CDRT4: variants seen among roughly 807,000 people sequenced by gnomAD.
CDRT4 encodes CMT1A duplicated region transcript 4.
For synonymous variants in CDRT4, 64 were observed against 69.6 expected, an observed-to-expected ratio of 0.92 and a Z score of 0.40; for missense variants, 167 against 193.1, an observed-to-expected ratio of 0.87 and a Z score of 0.80.
At chr17:15,453,808 G>T (rs1448268265) in intron 1 of CDRT4, among the ~76,000 whole-genome samples, 1 of 152,142 alleles carries the variant, frequency 6.6e-6, no homozygotes, top group Non-Finnish European at 1.5e-5. Context: ...CAGGAACAAG[G>T]AACAAGACAG....
At position 15,440,273 on chromosome 17, in the gene CDRT4, C is replaced by T; in HGVS notation, c.-35G>A. On this transcript the variant is annotated 5_prime_UTR_variant, in exon 3 of 4. It adds an upstream start codon to the 5' untranslated region. Coordinates refer to ENST00000619038, the MANE Select transcript of CDRT4 (RefSeq NM_001204477.2). ...AATATTTACTGATTTCTTAACATCA[C>T]AGGTTCAGATTCCTATGGGAAAATA... 6.2e-7 allele frequency: 1 copy of T among 1,612,292 alleles called. No homozygotes were observed. Among genetic ancestry groups the T allele is most frequent in the Non-Finnish European group, 8.5e-7 (1 of 1,179,950 alleles).
intron 1 of CDRT4, among the ~76,000 whole-genome samples, chr17:15,465,149 A>AC (rs1979954990): frequency 8.0e-6 from 1 of 124,514 alleles, no homozygotes; most frequent in Admixed American, 8.3e-5. Context: ...ACACAGACAC[A>AC]CCAACACACA....
intron 2 of CDRT4, 133 bp from the exon 3 acceptor site, chr17:15,440,418 A>T: frequency 9.6e-7 from 1 of 1,037,200 alleles, no homozygotes; most frequent in Non-Finnish European, 1.4e-6. Context: ...CCCTGAGAAG[A>T]GGACATGTTT....
rs536798509 is a variant in CDRT4 at position 15,439,278 on chromosome 17, A to C, written c.31+930T>G. Reference sequence around the variant, plus strand: ...ATCTCCAAATTGAATGCAGTTAAAAAAAAAAATGCCGTAAATGGGGATAAT... The same window carrying C: ...ATCTCCAAATTGAATGCAGTTAAAACAAAAAATGCCGTAAATGGGGATAAT... On this transcript the variant is annotated intron_variant, in intron 3 of 3. Transcript: ENST00000619038. 1.1e-3 allele frequency: 478 copies of C among 422,834 alleles called. 7 individuals carry two copies. In the Middle Eastern group the frequency reaches 0.03, roughly 27 times the overall value. The allele number at this position is 422,834 out of a possible 1,614,324, so 26.2% of individuals were successfully genotyped here. A position where few individuals can be genotyped will look rare whatever the true frequency, so the allele number is the denominator to read the frequency against.
intron 2 of CDRT4, among the ~76,000 whole-genome samples, chr17:15,447,074 T>A (rs1048109965): frequency 1.1e-4 from 17 of 152,184 alleles, no homozygotes; most frequent in African/African-American, 3.9e-4. Context: ...CTTCTCAATG[T>A]CAAGGGTCCG....
chr17:15,437,908 C>T lies in CDRT4; in HGVS notation c.324G>A (p.Leu108=). 1 of 1,614,152 alleles carries T rather than the reference C, an allele frequency of 6.2e-7. No homozygotes were observed. Among genetic ancestry groups the T allele is most frequent in the Non-Finnish European group, 8.5e-7 (1 of 1,180,026 alleles). ...CTGGGATCATGGTAGGAGCCATGGCCAATACCGAATAAGCGCCCCACATTG... is the reference window on the plus strand; with the variant it reads ...CTGGGATCATGGTAGGAGCCATGGCTAATACCGAATAAGCGCCCCACATTG... ...TLSMWGAYSV[L]AMAPTMIPEP... Residue 108 remains leucine (L), a synonymous_variant, in exon 4 of 4, where the codon TTG becomes TTA. Coordinates refer to ENST00000619038, the MANE Select transcript of CDRT4 (RefSeq NM_001204477.2).
rs1159039572 is a variant in CDRT4 at position 15,450,386 on chromosome 17, C to G, written c.-48+2618G>C. Among the ~76,000 whole-genome samples the G allele has an allele frequency of 6.6e-6, 1 of 152,062 alleles. No individual in the cohort carries two copies. Among genetic ancestry groups the G allele is most frequent in the Non-Finnish European group, 1.5e-5 (1 of 68,004 alleles). ...CATCTGTATTCCTGTCAAAGAACAC[C>G]TCTCCACTTGCAGCTCAGGCCTCTC... On this transcript the variant is annotated intron_variant, in intron 2 of 3. Transcript: ENST00000619038. This position sits in a 1 kb window ranked among gnomAD's most constrained non-coding sequence, Gnocchi z 4.2.
At position 15,438,082 on chromosome 17, in the gene CDRT4, T is replaced by C; in HGVS notation, c.150A>G (p.Arg50=). The C allele has an allele frequency of 6.2e-7, 1 of 1,614,178 alleles. No individual in the cohort carries two copies. The highest frequency in any genetic ancestry group is 8.5e-7 in the Non-Finnish European group (1 of 1,180,038). ...CGAGGGCACGCATGCATTCCAGTTC[T>C]CTAGTTTTGCTTTTCTCAATGAGTC... ...VKRLIEKSKT[R]ELECMRALEE... is the part of the protein sequence containing the mutation. Residue 50 remains arginine, a synonymous_variant, in exon 4 of 4, where the codon AGA becomes AGG. Coordinates refer to ENST00000619038, the MANE Select transcript of CDRT4 (RefSeq NM_001204477.2).
chr17:15,463,347 G>C (rs558532622), intron 1 of CDRT4, among the ~76,000 whole-genome samples: 14 of 152,262 alleles, frequency 9.2e-5, no homozygotes, highest in African/African-American at 3.1e-4. Flanking sequence ...CTGACTTTTA[G>C]GCTGTAATTA....
chr17:15,452,850 GTCTC>G (rs964132687), intron 2 of CDRT4, among the ~76,000 whole-genome samples, 150 bp downstream of exon 2: 7 of 151,946 alleles, frequency 4.6e-5, no homozygotes, highest in African/African-American at 1.7e-4. Context: ...GTTGGGATGT[GTCTC>G]TCTCTCTTTC....
At position 15,438,181 on chromosome 17, in the gene CDRT4, T is replaced by C; in HGVS notation, c.51A>G (p.Gly17=). The C allele has an allele frequency of 1.2e-6, 2 of 1,613,546 alleles. No individual in the cohort carries two copies. The highest frequency in any genetic ancestry group is 1.7e-5 in the Admixed American group (1 of 59,936). ...KKEEGLTENT[G]LPRKLLEKHD... ...GTTTTTCAAGTAGCTTCCGGGGAAG[T>C]CCAGTGTTTTCTGTGAGTCCTACCA... The change falls in exon 4 of 4, where the codon GGA becomes GGG. Residue 17 remains glycine (G), a synonymous_variant. Transcript: ENST00000619038.
At chr17:15,448,514 T>G (rs1298565863) in intron 2 of CDRT4, among the ~76,000 whole-genome samples, 1 of 152,152 alleles carries the variant, frequency 6.6e-6, no homozygotes. Context: ...GGTAAGAAGC[T>G]GAAATGTGGA....
intron 1 of CDRT4, among the ~76,000 whole-genome samples, chr17:15,457,007 G>GAGAT: frequency 6.6e-6 from 1 of 152,170 alleles, no homozygotes; most frequent in East Asian, 1.9e-4. Context: ...GCACTGCTCA[G>GAGAT]CACCAAGAGA....
intron 2 of CDRT4, among the ~76,000 whole-genome samples, chr17:15,443,282 C>CT (rs34600279): frequency 0.18 from 24,765 of 141,086 alleles, 3,476 homozygotes; most frequent in East Asian, 0.47. Context: ...TTTTTTCTTT[C>CT]TTTTTTTTTT....
At chr17:15,465,579 C>A (rs1017137578) in intron 1 of CDRT4, among the ~76,000 whole-genome samples, 4 of 151,664 alleles carry the variant, frequency 2.6e-5, no homozygotes, top group Non-Finnish European at 5.9e-5. Flanking sequence ...TAGGTACAAA[C>A]ACACACACCA....
intron 1 of CDRT4, among the ~76,000 whole-genome samples, chr17:15,462,658 C>T (rs73287790): frequency 0.031 from 4,718 of 152,088 alleles, 232 homozygotes; most frequent in African/African-American, 0.11. Flanking sequence ...AAACATAATG[C>T]TGAGTGAAAG....
intron 2 of CDRT4, among the ~76,000 whole-genome samples, chr17:15,442,259 A>G (rs1978798178): frequency 6.6e-6 from 1 of 151,914 alleles, no homozygotes; most frequent in Admixed American, 6.6e-5. Flanking sequence ...AAATATACAA[A>G]ATTAGCTGGG....
rs1978539501 is a variant in CDRT4 at position 15,437,384 on chromosome 17, T to A, written c.*389A>T. On this transcript the variant is annotated 3_prime_UTR_variant, in exon 4 of 4. Coordinates refer to ENST00000619038, the MANE Select transcript of CDRT4 (RefSeq NM_001204477.2). ...CTTCCTGTGGTGCTACCTCCATGGA[T>A]ACCTTTGTATTCCCTTCCTGCCCTT... The A allele has an allele frequency of 4.1e-6, 1 of 242,160 alleles. No individual in the cohort carries two copies. The highest frequency in any genetic ancestry group is 2.2e-5 in the African/African-American group (1 of 44,488). 15.0% of individuals were successfully genotyped at this position (242,160 alleles called of 1,614,324 possible).
chr17:15,458,061 G>C (rs771365499), intron 1 of CDRT4, among the ~76,000 whole-genome samples: 1 of 152,228 alleles, frequency 6.6e-6, no homozygotes, highest in Non-Finnish European at 1.5e-5. Flanking sequence ...AGAAGGCTCT[G>C]TGTGCAGGGC....
Sources: gnomAD v4.1 joint callset for allele counts (sites outside exome capture counted in the v4.1 genomes callset) on GRCh38, gnomAD v4.1.1 for gene constraint, Gnocchi (gnomAD v3.1) non-coding constraint, MANE v1.5 for transcripts, NCBI Gene and HGNC (gene_info 2026-07-23, HGNC 2026-07-21) for gene names.